The following ZNF292 variants were observed in gnomAD, a reference collection of about 807,000 sequenced individuals.
The protein encoded by ZNF292 is 16 zinc-finger domain protein.
In ZNF292, 26 loss-of-function variants were observed where a neutral mutation model predicts 217.9. That is an observed-to-expected ratio of 0.12 (90% CI 0.09 to 0.17). The LOEUF is 0.17. Among genes scored for constraint, ZNF292 ranks in the 10% least tolerant of loss-of-function variants. The pLI, the probability that ZNF292 is intolerant of heterozygous loss-of-function variation, is 1.00. For synonymous variants in ZNF292, 1,257 were observed against 1,124.1 expected, an observed-to-expected ratio of 1.12 and a Z score of -2.37; for missense variants, 2,904 against 3,175.2, an observed-to-expected ratio of 0.91 and a Z score of 2.05.
intron 1 of ZNF292, among the ~76,000 whole-genome samples, chr6:87,167,237 G>A (rs1770948241): frequency 6.6e-6 from 1 of 152,208 alleles, no homozygotes; most frequent in African/African-American, 2.4e-5. Flanking sequence ...GGAAAAATTT[G>A]CTGTCACTTC....
At chr6:87,233,773 A>G (rs1479213618) in intron 5 of ZNF292, 1 of 531,288 alleles carries the variant, frequency 1.9e-6, no homozygotes, top group Non-Finnish European at 2.4e-6. Flanking sequence ...AAATTGTGGG[A>G]AAGATAGTGG....
At chr6:87,223,490 T>C (rs1292068280) in intron 4 of ZNF292, 1 of 152,196 alleles carries the variant, frequency 6.6e-6, no homozygotes, top group East Asian at 1.9e-4. Flanking sequence ...TTATATTCTT[T>C]AGAATGAAAT....
chr6:87,218,899 G>T (rs1772928198), intron 4 of ZNF292, among the ~76,000 whole-genome samples, 168 bp downstream of exon 4: 1 of 152,150 alleles, frequency 6.6e-6, no homozygotes, highest in South Asian at 2.1e-4. Context: ...TTTTGGGGAA[G>T]ATGAATTTAT....
intron 1 of ZNF292, among the ~76,000 whole-genome samples, chr6:87,196,430 G>A (rs776530987): frequency 6.6e-6 from 1 of 152,170 alleles, no homozygotes; most frequent in African/African-American, 2.4e-5. Context: ...TCAAATCAGT[G>A]TATCACTGGG....
At chr6:87,210,394 C>T (rs1246984424) in intron 1 of ZNF292, among the ~76,000 whole-genome samples, 5 of 151,836 alleles carry the variant, frequency 3.3e-5, no homozygotes, top group South Asian at 2.1e-4. Flanking sequence ...TGAAAAACAC[C>T]GCAAGAAACA....
At chr6:87,183,943 G>A (rs61479073) in intron 1 of ZNF292, among the ~76,000 whole-genome samples, 1,681 of 152,260 alleles carry the variant, frequency 0.011, 35 homozygotes, top group African/African-American at 0.037. Flanking sequence ...TGCCCAGAGA[G>A]CCAAGATCTC....
chr6:87,176,071 T>TG (rs201357603), intron 1 of ZNF292, among the ~76,000 whole-genome samples: 149 of 151,898 alleles, frequency 9.8e-4, no homozygotes, highest in African/African-American at 2.6e-3. Flanking sequence ...ATATGTGTGG[T>TG]GGGGGGGGCT....
At position 87,258,947 on chromosome 6, in the gene ZNF292, T is replaced by G; in HGVS notation, c.5318T>G (p.Val1773Gly). The G allele has an allele frequency of 6.2e-7, 1 of 1,612,550 alleles. No homozygotes were observed. Among genetic ancestry groups the G allele is most frequent in the Non-Finnish European group, 8.5e-7 (1 of 1,179,194 alleles). The stretch of plus-strand genomic sequence containing the variant: ...GCTATGAATTCTCAAATACTTGAGG[T>G]AAAAAGTGGATCTCAGGGTGCTGGT... ...KTAMNSQILE[V>G]KSGSQGAGET... Residue 1773 changes from valine (V) to glycine (G), a missense_variant, in exon 8 of 8, where the codon GTA (valine) becomes GGA (glycine). Physicochemically the swap from Val to Gly is moderately radical, Grantham distance 109. This residue lies in a region of ZNF292 where 622 missense variants were observed against 573.1 expected (regional missense o/e 1.09). Transcript: ENST00000369577.
At position 87,214,174 on chromosome 6, in the gene ZNF292, T is replaced by C. The variant is rs138605617; in HGVS notation, c.169-1729T>C. On this transcript the variant is annotated intron_variant, in intron 1 of 7. Transcript: ENST00000369577. ...CGAAGCTGAATAATCTTGGATATAA[T>C]GTAGGCAGCTTGGGTATAATGTAGG... is the stretch of plus-strand genomic sequence containing the variant. 1.2e-4 allele frequency among the ~76,000 whole-genome samples: 18 copies of C among 152,298 alleles called. No individual in the cohort carries two copies. In the East Asian group the frequency reaches 3.1e-3, roughly 26 times the overall value.
intron 7 of ZNF292, among the ~76,000 whole-genome samples, chr6:87,253,104 G>A (rs1775014979): frequency 6.6e-6 from 1 of 150,478 alleles, no homozygotes; most frequent in Non-Finnish European, 1.5e-5. Context: ...ATAGAGATGA[G>A]GTCTTTCTGT....
In ZNF292 at chr6:87,260,262, G is replaced by T. The variant is rs546835164; in HGVS notation, c.6633G>T (p.Val2211=). The T allele has an allele frequency of 6.2e-7, 1 of 1,613,488 alleles. No homozygotes were observed. Among genetic ancestry groups the T allele is most frequent in the East Asian group, 2.2e-5 (1 of 44,892 alleles). Residue 2211 remains valine (V), a synonymous_variant, in exon 8 of 8, where the codon GTG becomes GTT. Coordinates refer to ENST00000369577, the MANE Select transcript of ZNF292 (RefSeq NM_015021.3). Reference sequence around the variant, plus strand: ...AAATTGAAAGTATGACTGCTTCAGTGGATGTTGGGAAGTTTCCATGTGACC... The same window carrying T: ...AAATTGAAAGTATGACTGCTTCAGTTGATGTTGGGAAGTTTCCATGTGACC... ...PEEIESMTAS[V]DVGKFPCDQL... is the part of the protein sequence containing the mutation.
At chr6:87,204,768 TG>T (rs1270859089) in intron 1 of ZNF292, among the ~76,000 whole-genome samples, 1 of 151,978 alleles carries the variant, frequency 6.6e-6, no homozygotes, top group Non-Finnish European at 1.5e-5. Context: ...TTCACCATGT[TG>T]GCCAGGCTGG....
chr6:87,229,605 TA>T lies in ZNF292; in HGVS notation c.539-3719del, dbSNP rs1205024335. ...CCACGCCCAGCTAATTTTGTATTTT[TA>T]GTAGAGACACGGTTTCTCCATGTTG... On this transcript the variant is annotated intron_variant, in intron 4 of 7. Transcript: ENST00000369577. 7.2e-5 allele frequency among the ~76,000 whole-genome samples: 11 copies of T among 152,278 alleles called. No individual in the cohort carries two copies. The South Asian group carries it at 2.3e-3, about 32-fold the overall frequency.
intron 1 of ZNF292, chr6:87,174,217 G>A (rs1771204650): frequency 6.5e-6 from 1 of 153,846 alleles, no homozygotes; most frequent in Non-Finnish European, 1.4e-5. Context: ...CAGCAGGATA[G>A]GTCGGCAGCT....
Position 87,257,017 on chromosome 6 carries a change from T to G in ZNF292, c.3388T>G (p.Phe1130Val), listed in dbSNP as rs1477436712. 6.2e-7 allele frequency: 1 copy of G among 1,613,598 alleles called. No individual in the cohort carries two copies. The highest frequency in any genetic ancestry group is 8.5e-7 in the Non-Finnish European group (1 of 1,179,788). The stretch of plus-strand genomic sequence containing the variant: ...AGCACACCCTGACCAATATGCTGCA[T>G]TTAAAATGCAGCGCAAAAGTAAAAA... ...KTAHPDQYAA[F>V]KMQRKSKKGQ... Residue 1130 changes from phenylalanine to valine, a missense_variant, in exon 8 of 8, where the codon TTT (phenylalanine) becomes GTT (valine). Transcript: ENST00000369577.
chr6:87,195,963 G>A (rs1771943234), intron 1 of ZNF292, among the ~76,000 whole-genome samples: 1 of 151,674 alleles, frequency 6.6e-6, no homozygotes, highest in African/African-American at 2.4e-5. Flanking sequence ...AGGAGGTGGA[G>A]GTTGCAGTGA....
At chr6:87,201,358 G>T (rs1310186976) in intron 1 of ZNF292, among the ~76,000 whole-genome samples, 1 of 152,072 alleles carries the variant, frequency 6.6e-6, no homozygotes, top group Non-Finnish European at 1.5e-5. Flanking sequence ...TTGCCCTAAG[G>T]TCTTAAGATG....
At position 87,256,301 on chromosome 6, in the gene ZNF292, A is replaced by G. The variant is rs1775208296; in HGVS notation, c.2672A>G (p.Asp891Gly). The G allele has an allele frequency of 6.2e-7, 1 of 1,613,672 alleles. No individual in the cohort carries two copies. ...CTAGCAGATAGAAGTGATGCTTGGG[A>G]TAAAAGCAAAGCAGAATCAGCTGTG... ...SLLADRSDAW[D>G]KSKAESAVTK... is the part of the protein sequence containing the mutation. Residue 891 changes from aspartate (D) to glycine (G), a missense_variant, in exon 8 of 8, where the codon GAT becomes GGT. Asp to Gly is a moderately conservative substitution (Grantham distance 94). This residue lies in a region of ZNF292 where 687 missense variants were observed against 623.0 expected (regional missense o/e 1.10). Transcript: ENST00000369577.
rs1181691062 is a variant in ZNF292 at position 87,264,323 on chromosome 6, GTAT to G, written c.*2527_*2529del. The G allele has an allele frequency of 2.6e-5, 4 of 152,058 alleles. No individual in the cohort carries two copies. The highest frequency in any genetic ancestry group is 9.7e-5 in the African/African-American group (4 of 41,384). The allele number at this position is 152,058 out of a possible 1,614,324, so 9.4% of individuals were successfully genotyped here. ...AGTTTGCATATTACAGGTCAGAATT[GTAT>G]TATTCAAAATACATCACCTTAAGTG... On this transcript the variant is annotated 3_prime_UTR_variant, in exon 8 of 8. Transcript: ENST00000369577.
Sources: gnomAD v4.1 joint callset for allele counts (sites outside exome capture counted in the v4.1 genomes callset) on GRCh38, gnomAD v4.1.1 for gene constraint, gnomAD v4.1.1 regional missense constraint, MANE v1.5 for transcripts, NCBI Gene and HGNC (gene_info 2026-07-23, HGNC 2026-07-21) for gene names.